The following TRAPPC9 variants were observed in gnomAD, a reference collection of about 807,000 sequenced individuals.
TRAPPC9 encodes IKK2 binding protein.
Under a neutral mutation model 124.0 loss-of-function variants are expected in TRAPPC9, and 83 were observed. The observed-to-expected ratio is 0.67, with a 90% confidence interval of 0.56 to 0.80. The LOEUF is 0.80. Among genes scored for constraint, TRAPPC9 ranks in the 30% least tolerant of loss-of-function variants. The pLI is 0.00. For missense variants in TRAPPC9, 1,302 were observed against 1,508.3 expected (o/e 0.86, Z 2.27); for synonymous variants, 638 against 617.5 (o/e 1.03, Z -0.49).
intron 17 of TRAPPC9, among the ~76,000 whole-genome samples, chr8:140,194,548 C>A (rs2062589088): frequency 6.6e-6 from 1 of 152,138 alleles, no homozygotes; most frequent in African/African-American, 2.4e-5. Context: ...GAATCCACAG[C>A]TGTGGAACCC....
chr8:140,458,236 G>A, upstream of TRAPPC9: 2 of 1,551,124 alleles, frequency 1.3e-6, no homozygotes, highest in South Asian at 2.4e-5. Flanking sequence ...CTGCACCTGG[G>A]GCGGCGCAGC....
chr8:139,988,672 G>A lies in TRAPPC9; in HGVS notation c.2810+54C>T, dbSNP rs914787039. Reference sequence around the variant, plus strand: ...TTATCTCCACACCCTCCCAAGCAGCGTGGTGAAGGCAGAGGGTGGCCTGCG... The same window carrying A: ...TTATCTCCACACCCTCCCAAGCAGCATGGTGAAGGCAGAGGGTGGCCTGCG... On this transcript the variant is annotated intron_variant, in intron 19 of 22. Transcript: ENST00000438773. 55 of 1,203,278 alleles carry A rather than the reference G, an allele frequency of 4.6e-5. No individual in the cohort carries two copies. The East Asian group carries it at 6.4e-4, about 14-fold the overall frequency. The allele number at this position is 1,203,278 out of a possible 1,614,324, so 74.5% of individuals were successfully genotyped here.
chr8:140,301,639 AG>A (rs2065979576), intron 10 of TRAPPC9, among the ~76,000 whole-genome samples: 1 of 152,240 alleles, frequency 6.6e-6, no homozygotes, highest in Admixed American at 6.5e-5. Context: ...GTGGGAAAAC[AG>A]GAAGACTGAT....
At chr8:140,162,072 C>T (rs752372788) in intron 17 of TRAPPC9, among the ~76,000 whole-genome samples, 2 of 152,314 alleles carry the variant, frequency 1.3e-5, no homozygotes, top group Middle Eastern at 3.4e-3. Flanking sequence ...TGAGCTGTGA[C>T]GCTATCTGTC....
intron 11 of TRAPPC9, among the ~76,000 whole-genome samples, chr8:140,292,226 G>A (rs2065679774): frequency 6.6e-6 from 1 of 152,144 alleles, no homozygotes; most frequent in Non-Finnish European, 1.5e-5. Context: ...TTAGGTGTGA[G>A]GCACTTCCAC....
At chr8:139,991,226 G>A (rs1837620931) in intron 18 of TRAPPC9, among the ~76,000 whole-genome samples, 1 of 152,172 alleles carries the variant, frequency 6.6e-6, no homozygotes, top group Non-Finnish European at 1.5e-5. Flanking sequence ...TGGAATAAAA[G>A]GTTCAAATAT....
intron 17 of TRAPPC9, among the ~76,000 whole-genome samples, chr8:140,192,239 G>A (rs1053477664): frequency 6.6e-6 from 1 of 152,224 alleles, no homozygotes; most frequent in Non-Finnish European, 1.5e-5. Context: ...TCAAGCCTAA[G>A]AAAGGGTTTC....
At position 140,087,868 on chromosome 8, in the gene TRAPPC9, C is replaced by G. The variant is rs1399720294; in HGVS notation, c.2557-63789G>C. On this transcript the variant is annotated intron_variant, in intron 17 of 22. Coordinates refer to ENST00000438773, the MANE Select transcript of TRAPPC9 (RefSeq NM_001160372.4). This position sits in a 1 kb window ranked among gnomAD's most constrained non-coding sequence, Gnocchi z 4.6. ...TTGTCGCCGCCAGCCCCAGAAAAACCCACCATCACTGACAAGGTCCTGGAG... is the reference window on the plus strand; with the variant it reads ...TTGTCGCCGCCAGCCCCAGAAAAACGCACCATCACTGACAAGGTCCTGGAG... Among the ~76,000 whole-genome samples, 1 of 152,112 alleles carries G rather than the reference C, an allele frequency of 6.6e-6. No homozygotes were observed. The highest frequency in any genetic ancestry group is 1.5e-5 in the Non-Finnish European group (1 of 68,028).
chr8:140,320,382 T>C (rs936159012), intron 9 of TRAPPC9, among the ~76,000 whole-genome samples: 1 of 152,162 alleles, frequency 6.6e-6, no homozygotes, highest in African/African-American at 2.4e-5. Context: ...CTAAGGTTTT[T>C]TAGAAACTGA....
chr8:139,836,053 G>C (rs1826326286), intron 21 of TRAPPC9, among the ~76,000 whole-genome samples: 2 of 151,882 alleles, frequency 1.3e-5, no homozygotes, highest in Admixed American at 1.3e-4. Context: ...CCGTCGCCCA[G>C]GCTGGAGCGC....
chr8:139,798,274 A>G (rs950673610), intron 21 of TRAPPC9, among the ~76,000 whole-genome samples: 1 of 152,230 alleles, frequency 6.6e-6, no homozygotes, highest in African/African-American at 2.4e-5. Flanking sequence ...CTGCTATTGT[A>G]GATGGAAGTT....
intron 19 of TRAPPC9, among the ~76,000 whole-genome samples, chr8:139,965,635 A>C (rs1171151693): frequency 1.2e-5 from 1 of 86,484 alleles, no homozygotes; most frequent in East Asian, 3.0e-4. Context: ...ACACTGGCTG[A>C]GATTTTCCAT....
chr8:139,977,659 CTCCTCAT>C, intron 19 of TRAPPC9, among the ~76,000 whole-genome samples: 1 of 65,208 alleles, frequency 1.5e-5, no homozygotes. Flanking sequence ...AGCCTCCCTC[CTCCTCAT>C]TCATTCATTC....
intron 16 of TRAPPC9, among the ~76,000 whole-genome samples, chr8:140,236,079 C>CTTTTTTTTTTTT (rs765201850): frequency 9.0e-6 from 1 of 111,722 alleles, no homozygotes; most frequent in Non-Finnish European, 1.8e-5. Context: ...ACTGTATTTC[C>CTTTTTTTTTTTT]TTTTTTTTTT....
intron 5 of TRAPPC9, among the ~76,000 whole-genome samples, chr8:140,421,393 C>T (rs930286684): frequency 6.6e-6 from 1 of 152,108 alleles, no homozygotes; most frequent in Non-Finnish European, 1.5e-5. Flanking sequence ...ATCTAGTTAA[C>T]GAATTTACTC....
intron 17 of TRAPPC9, among the ~76,000 whole-genome samples, chr8:140,071,150 A>G (rs1843140099): frequency 6.6e-6 from 1 of 152,244 alleles, no homozygotes; most frequent in South Asian, 2.1e-4. Flanking sequence ...CCTGAGCTGA[A>G]GCCAAGGCTA....
chr8:140,245,887 T>A (rs1184803781), intron 16 of TRAPPC9, among the ~76,000 whole-genome samples: 1 of 152,228 alleles, frequency 6.6e-6, no homozygotes, highest in Non-Finnish European at 1.5e-5. Context: ...GGATGCTTAC[T>A]GTCTCGACTC....
chr8:140,043,950 C>G (rs994160279), intron 17 of TRAPPC9, among the ~76,000 whole-genome samples: 4 of 152,146 alleles, frequency 2.6e-5, no homozygotes, highest in Non-Finnish European at 4.4e-5. Context: ...TACCATGAGG[C>G]CTGCCTACAG....
intron 18 of TRAPPC9, among the ~76,000 whole-genome samples, chr8:139,989,127 G>A (rs1447753193): frequency 6.6e-6 from 1 of 152,206 alleles, no homozygotes; most frequent in Non-Finnish European, 1.5e-5. Context: ...GCCTTGGGAA[G>A]GTAACCCGAA....
Sources: allele counts gnomAD v4.1 joint callset (sites outside exome capture counted in the v4.1 genomes callset), GRCh38; gene constraint gnomAD v4.1.1; non-coding constraint Gnocchi (gnomAD v3.1); transcripts MANE v1.5; gene names NCBI Gene and HGNC (gene_info 2026-07-23, HGNC 2026-07-21).